ALDH1A2: variants seen among roughly 807,000 people sequenced by gnomAD.
ALDH1A2 encodes aldehyde dehydrogenase 1 family member A2.
Under a neutral mutation model 60.3 loss-of-function variants are expected in ALDH1A2, and 27 were observed. The ratio of observed to expected loss-of-function variants is 0.45; its 90% CI spans 0.33 to 0.62. The LOEUF (loss-of-function observed/expected upper bound fraction) is 0.62, where lower values mean the gene tolerates loss of function less well. Ranked by LOEUF, ALDH1A2 falls within the 20% of genes least tolerant of loss-of-function variation. The pLI, the probability that ALDH1A2 is intolerant of heterozygous loss-of-function variation, is 0.02. For missense variants in ALDH1A2, 581 were observed against 643.8 expected, an observed-to-expected ratio of 0.90 and a Z score of 1.06; for synonymous variants, 289 against 232.4, an observed-to-expected ratio of 1.24 and a Z score of -2.21.
chr15:58,020,826 G>C (rs1895907790), intron 1 of ALDH1A2, among the ~76,000 whole-genome samples: 1 of 152,236 alleles, frequency 6.6e-6, no homozygotes, highest in East Asian at 1.9e-4. Flanking sequence ...TTTGTACTAT[G>C]ATCACTGAGA....
chr15:57,965,848 ACAGG>A (rs753176748), intron 7 of ALDH1A2, 21 bp from the exon 8 acceptor site: 1 of 1,605,538 alleles, frequency 6.2e-7, no homozygotes, highest in Admixed American at 1.7e-5. Flanking sequence ...GGAAATGGAG[ACAGG>A]TTTTGCAAAT....
intron 1 of ALDH1A2, among the ~76,000 whole-genome samples, chr15:58,055,535 G>A (rs1416727222): frequency 6.6e-6 from 1 of 151,654 alleles, no homozygotes; most frequent in Non-Finnish European, 1.5e-5. Flanking sequence ...GTGCAAATAA[G>A]TAATATGAAT....
Position 57,975,795 on chromosome 15 carries a change from C to T in ALDH1A2, c.799-9968G>A, listed in dbSNP as rs910121224. Among the ~76,000 whole-genome samples the T allele has an allele frequency of 5.6e-5, 8 of 143,108 alleles. No homozygotes were observed. In the South Asian group the frequency reaches 1.5e-3, roughly 27 times the overall value. 93.9% of individuals were successfully genotyped at this position (143,108 alleles called of 152,430 possible). A position where few individuals can be genotyped will look rare whatever the true frequency, so the allele number is the denominator to read the frequency against. On this transcript the variant is annotated intron_variant, in intron 7 of 12. Transcript: ENST00000249750. ...AGAAAATGCAGATAATCTATAGTGC[C>T]AGAAAGCCTGGGAATGTGGGGGTGG...
Position 57,992,786 on chromosome 15 carries a change from C to A in ALDH1A2, c.717G>T (p.Leu239Phe), listed in dbSNP as rs1284537476. 6.2e-7 allele frequency: 1 copy of A among 1,614,034 alleles called. No individual in the cohort carries two copies. Among genetic ancestry groups the A allele is most frequent in the Non-Finnish European group, 8.5e-7 (1 of 1,179,980 alleles). Residue 239 changes from leucine to phenylalanine, a missense_variant, in exon 7 of 13, where the codon TTG becomes TTT. Leu to Phe is a conservative substitution (Grantham distance 22). Around this residue, in one of 2 missense-constraint regions of ALDH1A2, gnomAD observed 375 missense variants for 469.7 expected, o/e 0.80. Coordinates refer to ENST00000249750, the MANE Select transcript of ALDH1A2 (RefSeq NM_003888.4). Reference sequence around the variant, plus strand: ...CCCCAGCCGTTGGCCCATATCCTGGCAAAATATTGATGACCCCGGGAGGAA... The same window carrying A: ...CCCCAGCCGTTGGCCCATATCCTGGAAAAATATTGATGACCCCGGGAGGAA... Reference protein sequence around the residue: ...AGFPPGVINILPGYGPTAGAA... With the variant: ...AGFPPGVINIFPGYGPTAGAA...
chr15:58,049,217 T>G (rs150391706), intron 1 of ALDH1A2, among the ~76,000 whole-genome samples: 6 of 152,180 alleles, frequency 3.9e-5, no homozygotes, highest in African/African-American at 1.4e-4. Flanking sequence ...CCACAGAAAT[T>G]TGATGAAGGT....
chr15:57,957,900 T>C (rs1370679346), intron 12 of ALDH1A2, among the ~76,000 whole-genome samples: 2 of 145,460 alleles, frequency 1.4e-5, no homozygotes, highest in African/African-American at 5.0e-5. Context: ...AGCTTGCAGG[T>C]GGTCAGGACT....
At chr15:57,979,813 G>C (rs544452301) in intron 7 of ALDH1A2, 1 of 257,812 alleles carries the variant, frequency 3.9e-6, no homozygotes, top group Non-Finnish European at 8.5e-6. Flanking sequence ...GTCAGCCACT[G>C]TGCCTGGCAG....
At chr15:57,984,564 T>C (rs1249606185) in intron 7 of ALDH1A2, among the ~76,000 whole-genome samples, 1 of 152,198 alleles carries the variant, frequency 6.6e-6, no homozygotes, top group Non-Finnish European at 1.5e-5. Flanking sequence ...ACTAATCAAC[T>C]TTCTGTTTAT....
At chr15:58,029,960 G>C (rs141519784) in intron 1 of ALDH1A2, among the ~76,000 whole-genome samples, 4 of 151,964 alleles carry the variant, frequency 2.6e-5, no homozygotes, top group African/African-American at 9.7e-5. Flanking sequence ...GGTACAAACA[G>C]CAAAGACGAT....
chr15:57,969,400 G>A (rs1893991260), intron 7 of ALDH1A2, among the ~76,000 whole-genome samples: 1 of 152,186 alleles, frequency 6.6e-6, no homozygotes, highest in African/African-American at 2.4e-5. Context: ...TAACCCACAG[G>A]TTTCCGAAGT....
chr15:58,009,848 C>A (rs1186963645), intron 4 of ALDH1A2, among the ~76,000 whole-genome samples: 1 of 152,048 alleles, frequency 6.6e-6, no homozygotes, highest in African/African-American at 2.4e-5. Context: ...GTAACAGTGC[C>A]TTTCTCTTGG....
chr15:58,001,858 A>T (rs2140502963), intron 4 of ALDH1A2, among the ~76,000 whole-genome samples: 1 of 152,032 alleles, frequency 6.6e-6, no homozygotes, highest in African/African-American at 2.4e-5. Flanking sequence ...ACTGCATTTG[A>T]TGGGGACACC....
chr15:58,016,862 AAAG>A lies in ALDH1A2; in HGVS notation c.118-2584_118-2582del, dbSNP rs199953787. ...GTAATACATCTTTCAAAAAGTTATAAAAGAAGTCTAGAGATGCCATCTTTGCCA... is the reference window on the plus strand; with the variant it reads ...GTAATACATCTTTCAAAAAGTTATAAAAGTCTAGAGATGCCATCTTTGCCA... On this transcript the variant is annotated intron_variant, in intron 1 of 12. Coordinates refer to ENST00000249750, the MANE Select transcript of ALDH1A2 (RefSeq NM_003888.4). 5.1e-3 allele frequency among the ~76,000 whole-genome samples: 773 copies of A among 152,318 alleles called. 7 individuals carry two copies. Among genetic ancestry groups the A allele is most frequent in the African/African-American group, 0.017 (719 of 41,576 alleles).
chr15:58,024,642 A>T (rs1165402853), intron 1 of ALDH1A2, among the ~76,000 whole-genome samples: 1 of 152,200 alleles, frequency 6.6e-6, no homozygotes, highest in Non-Finnish European at 1.5e-5. Flanking sequence ...TCAGCACTAG[A>T]CAGATCATCT....
chr15:57,998,761 G>T (rs529519551), intron 4 of ALDH1A2, among the ~76,000 whole-genome samples: 2 of 151,964 alleles, frequency 1.3e-5, no homozygotes, highest in Non-Finnish European at 2.9e-5. Context: ...TAAGCAAAAA[G>T]AACAAAGCTG....
At chr15:57,969,818 C>G (rs1275617972) in intron 7 of ALDH1A2, among the ~76,000 whole-genome samples, 1 of 152,170 alleles carries the variant, frequency 6.6e-6, no homozygotes, top group African/African-American at 2.4e-5. Flanking sequence ...TTACAACGTA[C>G]TCGTGTGATA....
At chr15:58,048,642 A>G (rs1286157584) in intron 1 of ALDH1A2, among the ~76,000 whole-genome samples, 2 of 151,980 alleles carry the variant, frequency 1.3e-5, no homozygotes, top group Non-Finnish European at 2.9e-5. Context: ...ACGGTGACCT[A>G]TGATGCAGAC....
At chr15:58,049,560 C>G (rs1029256086) in intron 1 of ALDH1A2, among the ~76,000 whole-genome samples, 16 of 152,066 alleles carry the variant, frequency 1.1e-4, no homozygotes, top group Non-Finnish European at 2.9e-5. Flanking sequence ...TATTCGTTCA[C>G]TTACTCTCTG....
chr15:57,993,412 T>C (rs1195867468), intron 5 of ALDH1A2, among the ~76,000 whole-genome samples: 3 of 152,212 alleles, frequency 2.0e-5, no homozygotes, highest in African/African-American at 4.8e-5. Context: ...TTCTCGTGTA[T>C]GAAAACTTTT....
Sources: gnomAD v4.1 joint callset for allele counts (sites outside exome capture counted in the v4.1 genomes callset) on GRCh38, gnomAD v4.1.1 for gene constraint, gnomAD v4.1.1 regional missense constraint, MANE v1.5 for transcripts, NCBI Gene and HGNC (gene_info 2026-07-23, HGNC 2026-07-21) for gene names.